Variants in CALCR observed in about 807,000 individuals in gnomAD.
CALCR encodes the protein calcitonin receptor.
In CALCR, 47 loss-of-function variants were observed where a neutral mutation model predicts 59.5. That is an observed-to-expected ratio of 0.79 (90% confidence interval 0.63 to 1.01). The LOEUF (loss-of-function observed/expected upper bound fraction) is 1.01. Among genes scored for constraint, CALCR ranks in the 50% least tolerant of loss-of-function variants. The pLI, the probability that CALCR is intolerant of heterozygous loss-of-function variation, is 0.00. For synonymous variants in CALCR, 213 were observed against 211.3 expected, an observed-to-expected ratio of 1.01 and a Z score of -0.07; for missense variants, 566 against 597.1, an observed-to-expected ratio of 0.95 and a Z score of 0.54.
At chr7:93,542,151 A>G (rs1160814964) in intron 2 of CALCR, among the ~76,000 whole-genome samples, 1 of 152,190 alleles carries the variant, frequency 6.6e-6, no homozygotes, top group East Asian at 1.9e-4. Flanking sequence ...TGAGAAACGC[A>G]TCCTTGGGCG....
intron 2 of CALCR, among the ~76,000 whole-genome samples, chr7:93,530,653 G>C (rs955450534): frequency 6.6e-6 from 1 of 152,106 alleles, no homozygotes; most frequent in African/African-American, 2.4e-5. Flanking sequence ...ACTGAGGAGA[G>C]CAGCATTATC....
chr7:93,443,475 C>A, intron 9 of CALCR, 129 bp downstream of exon 9: 1 of 807,622 alleles, frequency 1.2e-6, no homozygotes, highest in Non-Finnish European at 2.0e-6. Context: ...CCTGCCAGTA[C>A]CTGTGTTCCA....
intron 5 of CALCR, among the ~76,000 whole-genome samples, chr7:93,474,876 G>A (rs1316891183): frequency 6.6e-6 from 1 of 151,742 alleles, no homozygotes; most frequent in African/African-American, 2.4e-5. Context: ...AGATGGCTAT[G>A]TTCTTTTTTA....
chr7:93,483,836 G>A (rs1800861304), intron 3 of CALCR: 1 of 353,184 alleles, frequency 2.8e-6, no homozygotes, highest in Non-Finnish European at 6.2e-6. Context: ...AGGGCATATT[G>A]TTTTTCTGAA....
chr7:93,497,322 T>G (rs980736652), intron 2 of CALCR, among the ~76,000 whole-genome samples: 1 of 151,694 alleles, frequency 6.6e-6, no homozygotes, highest in African/African-American at 2.4e-5. Flanking sequence ...TCTTATAAAC[T>G]TAACCACTTT....
At chr7:93,490,668 A>G (rs1801053959) in intron 2 of CALCR, among the ~76,000 whole-genome samples, 1 of 151,916 alleles carries the variant, frequency 6.6e-6, no homozygotes, top group Non-Finnish European at 1.5e-5. Flanking sequence ...CATTACAAAG[A>G]GAATAAAATA....
At chr7:93,437,837 G>C (rs1482634038) in intron 11 of CALCR, among the ~76,000 whole-genome samples, 1 of 152,118 alleles carries the variant, frequency 6.6e-6, no homozygotes, top group East Asian at 1.9e-4. Flanking sequence ...TGCTATTATA[G>C]TGTGAGTCTG....
At chr7:93,490,854 G>A (rs1278771573) in intron 2 of CALCR, among the ~76,000 whole-genome samples, 1 of 151,906 alleles carries the variant, frequency 6.6e-6, no homozygotes, top group Non-Finnish European at 1.5e-5. Flanking sequence ...TAGATTCAGT[G>A]CTATTCCCAT....
Position 93,494,357 on chromosome 7 carries a change from G to A in CALCR, c.-26-7350C>T, listed in dbSNP as rs1401690904. Reference sequence around the variant, plus strand: ...GAATGGGCTGCACAGTCATCTTGCTGTAGAAAAGGGGACCCCCATGGTCTT... The same window carrying A: ...GAATGGGCTGCACAGTCATCTTGCTATAGAAAAGGGGACCCCCATGGTCTT... On this transcript the variant is annotated intron_variant, in intron 2 of 13. Transcript: ENST00000426151. Among the ~76,000 whole-genome samples, 6 of 151,388 alleles carry A rather than the reference G, an allele frequency of 4.0e-5. No homozygotes were observed. The East Asian group carries it at 9.8e-4, about 25-fold the overall frequency.
At chr7:93,551,924 G>C (rs1789470327) in intron 2 of CALCR, among the ~76,000 whole-genome samples, 2 of 152,156 alleles carry the variant, frequency 1.3e-5, no homozygotes, top group Admixed American at 6.5e-5. Flanking sequence ...AAAAAGGTCT[G>C]TCAGCAGTCA....
intron 2 of CALCR, among the ~76,000 whole-genome samples, chr7:93,514,585 C>G (rs1371825027): frequency 1.3e-5 from 2 of 151,964 alleles, no homozygotes; most frequent in African/African-American, 4.8e-5. Context: ...TCTATTGCTG[C>G]TACCAAATCT....
chr7:93,529,333 C>G (rs961598200), intron 2 of CALCR, among the ~76,000 whole-genome samples: 10 of 152,112 alleles, frequency 6.6e-5, no homozygotes, highest in African/African-American at 2.4e-4. Context: ...ACCTGCACCC[C>G]CTTTGCCTTC....
chr7:93,572,752 C>T (rs575834360), intron 2 of CALCR, among the ~76,000 whole-genome samples: 6 of 152,170 alleles, frequency 3.9e-5, no homozygotes, highest in East Asian at 3.9e-4. Flanking sequence ...AAACAGAAGA[C>T]GTATTTATAT....
At chr7:93,507,103 C>T (rs916550401) in intron 2 of CALCR, among the ~76,000 whole-genome samples, 1 of 152,052 alleles carries the variant, frequency 6.6e-6, no homozygotes, top group African/African-American at 2.4e-5. Context: ...TCTTCATTAG[C>T]AGTGTGAGAA....
chr7:93,438,206 T>G lies in CALCR; in HGVS notation c.863+4A>C. 6.2e-7 allele frequency: 1 copy of G among 1,612,568 alleles called. No homozygotes were observed. Among genetic ancestry groups the G allele is most frequent in the Non-Finnish European group, 8.5e-7 (1 of 1,178,608 alleles). ...GTTAACTTAAACATCACCATAATAC[T>G]TACTTGTCATTGAAGTACACGGCCC... On this transcript the variant is annotated splice_donor_region_variant and intron_variant, in intron 10 of 13. Coordinates refer to ENST00000426151, the MANE Select transcript of CALCR (RefSeq NM_001742.4).
chr7:93,494,518 C>T (rs1193739623), intron 2 of CALCR, among the ~76,000 whole-genome samples: 1 of 151,336 alleles, frequency 6.6e-6, no homozygotes, highest in East Asian at 2.0e-4. Context: ...TTTTGTTTTG[C>T]CTATTAATTG....
At position 93,546,650 on chromosome 7, in the gene CALCR, C is replaced by G. The variant is rs1459123622; in HGVS notation, c.-27+27639G>C. Among the ~76,000 whole-genome samples the G allele has an allele frequency of 4.0e-5, 6 of 151,480 alleles. No individual in the cohort carries two copies. In the East Asian group the frequency reaches 1.2e-3, roughly 29 times the overall value. On this transcript the variant is annotated intron_variant, in intron 2 of 13. Transcript: ENST00000426151. ...CACTGCAGCCTCGACCTTTCTGGCT[C>G]AAGTGATCCTCCCACCTCAGCCTCC...
chr7:93,515,316 G>C (rs1307006176), intron 2 of CALCR, among the ~76,000 whole-genome samples: 1 of 151,956 alleles, frequency 6.6e-6, no homozygotes, highest in Non-Finnish European at 1.5e-5. Flanking sequence ...TACCCTATGG[G>C]AGATGAACTC....
chr7:93,432,208 A>C (rs1799673234), intron 13 of CALCR, among the ~76,000 whole-genome samples: 1 of 152,228 alleles, frequency 6.6e-6, no homozygotes, highest in South Asian at 2.1e-4. Flanking sequence ...ACCAATCATA[A>C]TCAAAATTAA....
Sources: gnomAD v4.1 joint callset for allele counts (sites outside exome capture counted in the v4.1 genomes callset) on GRCh38, gnomAD v4.1.1 for gene constraint, MANE v1.5 for transcripts, NCBI Gene and HGNC (gene_info 2026-07-23, HGNC 2026-07-21) for gene names.